The following PLAGL1 variants were observed in gnomAD, a reference collection of about 807,000 sequenced individuals.
The protein encoded by PLAGL1 is zinc finger protein PLAGL1.
A neutral mutation model predicts 4.6 loss-of-function variants in PLAGL1; 1 was observed. The observed-to-expected ratio is 0.22, with a 90% confidence interval of 0.08 to 1.03. PLAGL1 has a LOEUF of 1.03. Among genes scored for constraint, PLAGL1 ranks in the 50% least tolerant of loss-of-function variants. PLAGL1 has a pLI of 0.58. For missense variants in PLAGL1, 464 were observed against 570.4 expected (o/e 0.81, Z 1.90); for synonymous variants, 240 against 237.8 (o/e 1.01, Z -0.08).
chr6:144,035,657 T>C (rs928350783), intron 1 of PLAGL1, among the ~76,000 whole-genome samples: 5 of 152,198 alleles, frequency 3.3e-5, no homozygotes, highest in African/African-American at 1.2e-4. Flanking sequence ...ATATTAACCA[T>C]CACAGGGGGC....
In PLAGL1 at chr6:144,027,724, C is replaced by T. The variant is rs1055578828; in HGVS notation, c.-151+36744G>A. ...GAAATGAGGTTATATATTTAAAAGT[C>T]TCTTTAGTGGGAAACACTTCGCTCT... On this transcript the variant is annotated intron_variant, in intron 1 of 3. Coordinates refer to the PLAGL1 transcript ENST00000437412. The surrounding 1 kb of genome is among the most constrained non-coding windows in gnomAD (Gnocchi z 5.8). Among the ~76,000 whole-genome samples the T allele has an allele frequency of 6.6e-6, 1 of 151,846 alleles. No homozygotes were observed. Among genetic ancestry groups the T allele is most frequent in the Non-Finnish European group, 1.5e-5 (1 of 68,030 alleles).
Position 143,959,770 on chromosome 6 carries a change from C to T in PLAGL1, c.-325+699G>A, listed in dbSNP as rs1782967122. 6.6e-6 allele frequency among the ~76,000 whole-genome samples: 1 copy of T among 152,160 alleles called. No individual in the cohort carries two copies. The highest frequency in any genetic ancestry group is 1.5e-5 in the Non-Finnish European group (1 of 68,020). On this transcript the variant is annotated intron_variant, in intron 6 of 7. Coordinates refer to ENST00000674357, the MANE Select transcript of PLAGL1 (RefSeq NM_001317162.2). The surrounding 1 kb of genome is among the most constrained non-coding windows in gnomAD (Gnocchi z 5.3). ...ACTGCAAGTAATACACTGTCCTAAGCAAAACGCCTAGCACAGAGTGAGTGC... is the reference window on the plus strand; with the variant it reads ...ACTGCAAGTAATACACTGTCCTAAGTAAAACGCCTAGCACAGAGTGAGTGC...
At chr6:144,046,965 C>T (rs1422603210) in intron 1 of PLAGL1, among the ~76,000 whole-genome samples, 2 of 152,228 alleles carry the variant, frequency 1.3e-5, no homozygotes, top group Non-Finnish European at 2.9e-5. Context: ...GCTGCGCTAG[C>T]AGTGAACAAG....
At chr6:144,010,323 A>G (rs993536372), upstream of PLAGL1, among the ~76,000 whole-genome samples, 1 of 152,224 alleles carries the variant, frequency 6.6e-6, no homozygotes, top group Admixed American at 6.5e-5. This position sits in a 1 kb window ranked among gnomAD's most constrained non-coding sequence, Gnocchi z 4.1. Flanking sequence ...CAAATAAGAG[A>G]GCCAACACAT....
At chr6:143,946,036 C>T (rs893885022) in intron 7 of PLAGL1, among the ~76,000 whole-genome samples, 3 of 140,148 alleles carry the variant, frequency 2.1e-5, no homozygotes, top group African/African-American at 7.4e-5. Flanking sequence ...AATTATTTCT[C>T]GGAACATGCG....
At chr6:144,058,511 A>G (rs1379485274) in intron 1 of PLAGL1, among the ~76,000 whole-genome samples, 2 of 152,128 alleles carry the variant, frequency 1.3e-5, no homozygotes, top group Non-Finnish European at 2.9e-5. Context: ...ACAGTCCATT[A>G]AATTCCTAAC....
intron 1 of PLAGL1, among the ~76,000 whole-genome samples, chr6:144,023,512 A>G (rs1461232808): frequency 1.3e-5 from 2 of 152,250 alleles, no homozygotes; most frequent in Admixed American, 1.3e-4. Context: ...TTGGAAATGC[A>G]TAAAGACAAA....
intron 1 of PLAGL1, among the ~76,000 whole-genome samples, chr6:144,043,604 G>A (rs527246138): frequency 1.3e-3 from 193 of 152,146 alleles, no homozygotes; most frequent in African/African-American, 4.2e-3. Context: ...TTTTCGCATC[G>A]ATGTTCATCA....
At chr6:144,041,026 G>A (rs1413692122) in intron 1 of PLAGL1, among the ~76,000 whole-genome samples, 4 of 152,136 alleles carry the variant, frequency 2.6e-5, no homozygotes, top group Admixed American at 6.5e-5. Flanking sequence ...GAGACAGTTC[G>A]GCTTTATTCT....
intron 7 of PLAGL1, among the ~76,000 whole-genome samples, chr6:143,946,009 C>A (rs1413147387): frequency 6.6e-6 from 1 of 151,882 alleles, no homozygotes; most frequent in Non-Finnish European, 1.5e-5. Flanking sequence ...TCTTTTTCAG[C>A]GCAGTTTACC....
rs1791405608 is a variant in PLAGL1 at position 143,995,385 on chromosome 6, G to GT, written c.-583-10212_-583-10211insA. 6.6e-6 allele frequency among the ~76,000 whole-genome samples: 1 copy of GT among 151,924 alleles called. No homozygotes were observed. The highest frequency in any genetic ancestry group is 1.5e-5 in the Non-Finnish European group (1 of 67,986). ...TGTTTTGTTGTTATGGTTTTTTGGGGGTTTTTTTGCTTTGCTTTGGAAAGG... is the reference window on the plus strand; with the variant it reads ...TGTTTTGTTGTTATGGTTTTTTGGGGTGTTTTTTTGCTTTGCTTTGGAAAGG... On this transcript the variant is annotated intron_variant, in intron 1 of 7. Coordinates refer to ENST00000674357, the MANE Select transcript of PLAGL1 (RefSeq NM_001317162.2). The surrounding 1 kb of genome is among the most constrained non-coding windows in gnomAD (Gnocchi z 4.4).
chr6:143,941,696 T>C lies in PLAGL1; in HGVS notation c.1120A>G (p.Ile374Val). 2 of 1,614,168 alleles carry C rather than the reference T, an allele frequency of 1.2e-6. No individual in the cohort carries two copies. The highest frequency in any genetic ancestry group is 1.7e-6 in the Non-Finnish European group (2 of 1,180,024). ...ELPADAVNLT[I>V]PASLDLSPLL... ...GGGGACAGGTCCAGAGAGGCAGGTA[T>C]TGTTAGGTTCACAGCATCTGCAGGC... Residue 374 changes from isoleucine (I) to valine (V), a missense_variant, in exon 8 of 8, where the codon ATA becomes GTA. Physicochemically the swap from Ile to Val is conservative, Grantham distance 29. Transcript: ENST00000674357. The surrounding 1 kb of genome is among the most constrained non-coding windows in gnomAD (Gnocchi z 6.0).
Position 144,004,695 on chromosome 6 carries a change from C to CT in PLAGL1, c.-584+3394dup, listed in dbSNP as rs985761573. The stretch of plus-strand genomic sequence containing the variant: ...TATGTAAATTTCACCAAGCTACACA[C>CT]TTTTTTTTGTTGTACATAAATTATA... On this transcript the variant is annotated intron_variant, in intron 1 of 7. Transcript: ENST00000674357. This position sits in a 1 kb window ranked among gnomAD's most constrained non-coding sequence, Gnocchi z 4.2. 1.4e-4 allele frequency among the ~76,000 whole-genome samples: 22 copies of CT among 151,788 alleles called. No homozygotes were observed. Among genetic ancestry groups the CT allele is most frequent in the South Asian group, 6.2e-4 (3 of 4,810 alleles).
At chr6:144,033,363 T>C (rs561688001) in intron 1 of PLAGL1, among the ~76,000 whole-genome samples, 1 of 152,214 alleles carries the variant, frequency 6.6e-6, no homozygotes, top group Non-Finnish European at 1.5e-5. Context: ...AAAACTAATA[T>C]GAACTTTGCT....
intron 1 of PLAGL1, among the ~76,000 whole-genome samples, chr6:144,033,001 C>T (rs566405598): frequency 1.3e-5 from 2 of 152,330 alleles, no homozygotes; most frequent in South Asian, 4.1e-4. Flanking sequence ...TGAAGGACCA[C>T]ATGCTATTAT....
chr6:144,021,370 T>A lies in PLAGL1; in HGVS notation c.-151+43098A>T, dbSNP rs1221916552. 2.6e-5 allele frequency among the ~76,000 whole-genome samples: 4 copies of A among 152,212 alleles called. No individual in the cohort carries two copies. The East Asian group carries it at 5.8e-4, about 22-fold the overall frequency. ...CTAACATTAACATCTTTTTCAAAAT[T>A]ATTCCATCTGTAGATAATCTTTAAG... On this transcript the variant is annotated intron_variant, in intron 1 of 3. Coordinates refer to the PLAGL1 transcript ENST00000437412.
chr6:144,001,977 G>T (rs1484340132), intron 1 of PLAGL1, among the ~76,000 whole-genome samples: 1 of 152,010 alleles, frequency 6.6e-6, no homozygotes. Context: ...GTGGTATATG[G>T]GGTGGATCCT....
At position 143,962,541 on chromosome 6, in the gene PLAGL1, C is replaced by G. The variant is rs1042123016; in HGVS notation, c.-398-1999G>C. 1.3e-5 allele frequency among the ~76,000 whole-genome samples: 2 copies of G among 152,142 alleles called. No homozygotes were observed. The highest frequency in any genetic ancestry group is 2.9e-5 in the Non-Finnish European group (2 of 68,014). ...GGAAAGTTTGTTTATTCGTTGATGA[C>G]AAAAACCAAAGTTTCATAGAGTGTA... is the stretch of plus-strand genomic sequence containing the variant. On this transcript the variant is annotated intron_variant, in intron 5 of 7. Transcript: ENST00000674357. This position sits in a 1 kb window ranked among gnomAD's most constrained non-coding sequence, Gnocchi z 5.3.
chr6:144,015,543 TA>T lies in PLAGL1; in HGVS notation c.-150-46566del, dbSNP rs1795509504. ...CATATATCTGACATAGGACTTGCAC[TA>T]AAATATTTGAAGAACCCAATAATAC... On this transcript the variant is annotated intron_variant, in intron 1 of 3. Coordinates refer to the PLAGL1 transcript ENST00000437412. The surrounding 1 kb of genome is among the most constrained non-coding windows in gnomAD (Gnocchi z 4.3). 6.6e-6 allele frequency among the ~76,000 whole-genome samples: 1 copy of T among 152,208 alleles called. No homozygotes were observed. The highest frequency in any genetic ancestry group is 6.5e-5 in the Admixed American group (1 of 15,282).
Sources: allele counts gnomAD v4.1 joint callset (sites outside exome capture counted in the v4.1 genomes callset), GRCh38; gene constraint gnomAD v4.1.1; non-coding constraint Gnocchi (gnomAD v3.1); transcripts MANE v1.5; gene names NCBI Gene and HGNC (gene_info 2026-07-23, HGNC 2026-07-21).